Variants in BIN3 observed in about 807,000 individuals in gnomAD.
BIN3 encodes bridging integrator 3.
BIN3 carries 41 observed loss-of-function variants against 38.2 expected under a neutral mutation model. The observed-to-expected ratio is 1.07, with a 90% CI of 0.84 to 1.39. BIN3 has a LOEUF of 1.39. Among genes scored for constraint, BIN3 ranks in the 40% most tolerant of loss-of-function variants. BIN3 has a pLI of 0.00. For synonymous variants in BIN3, 145 were observed against 122.6 expected, an observed-to-expected ratio of 1.18 and a Z score of -1.21; for missense variants, 361 against 324.3, an observed-to-expected ratio of 1.11 and a Z score of -0.87.
chr8:22,668,373 C>G (rs1303359731), intron 1 of BIN3, among the ~76,000 whole-genome samples: 1 of 152,192 alleles, frequency 6.6e-6, no homozygotes, highest in African/African-American at 2.4e-5. Flanking sequence ...CTCTATTACT[C>G]TAAGACTCCC....
chr8:22,636,035 G>A (rs1016625047), intron 4 of BIN3, among the ~76,000 whole-genome samples: 15 of 152,104 alleles, frequency 9.9e-5, no homozygotes, highest in Middle Eastern at 3.2e-3. Context: ...AGGACCTCCC[G>A]GTGCCCTTTG....
rs779524595 is a variant in BIN3, at chr8:22,624,251, T to C, written c.451A>G (p.Thr151Ala). 2 of 1,613,910 alleles carry C rather than the reference T, an allele frequency of 1.2e-6. No homozygotes were observed. The highest frequency in any genetic ancestry group is 2.2e-5 in the South Asian group (2 of 91,064). ...TGGAGCTTGGCCAGCACTGGCCCCGTCTTCTCCTTTTCCTCATACTTCTCC... is the reference window on the plus strand; with the variant it reads ...TGGAGCTTGGCCAGCACTGGCCCCGCCTTCTCCTTTTCCTCATACTTCTCC... The part of the protein sequence containing the change: ...KVEKYEEKEK[T>A]GPVLAKLHQA... Residue 151 changes from threonine (T) to alanine (A), a missense_variant, in exon 7 of 9, where the codon ACG becomes GCG. Coordinates refer to ENST00000276416, the MANE Select transcript of BIN3 (RefSeq NM_018688.6).
chr8:22,625,239 T>C (rs1801967170), intron 6 of BIN3: 2 of 692,838 alleles, frequency 2.9e-6, no homozygotes, highest in East Asian at 2.7e-5. Flanking sequence ...GGAGCAGTGC[T>C]CTCCTGAGGC....
intron 1 of BIN3, among the ~76,000 whole-genome samples, chr8:22,646,000 T>G (rs1251784915): frequency 6.6e-6 from 1 of 152,216 alleles, no homozygotes; most frequent in Non-Finnish European, 1.5e-5. Flanking sequence ...AGGAGGATCA[T>G]GGGTCTAGGA....
At chr8:22,630,063 G>GGGCGACACGCAAT in intron 5 of BIN3, 59 bp from the exon 6 acceptor site, 2 of 1,505,518 alleles carry the variant, frequency 1.3e-6, no homozygotes, top group Non-Finnish European at 1.8e-6. Context: ...CGACACGCAA[G>GGGCGACACGCAAT]GCAGGGCCCC....
intron 2 of BIN3, among the ~76,000 whole-genome samples, chr8:22,639,738 C>A (rs1395396900): frequency 1.3e-5 from 2 of 152,226 alleles, no homozygotes; most frequent in Non-Finnish European, 2.9e-5. Context: ...GGCTATAAAC[C>A]TGGGCTATAA....
chr8:22,647,814 A>G (rs1802758193), intron 1 of BIN3, among the ~76,000 whole-genome samples: 1 of 152,154 alleles, frequency 6.6e-6, no homozygotes, highest in South Asian at 2.1e-4. Context: ...AAAATCCTTC[A>G]CATTTAAAAA....
At chr8:22,627,076 A>G (rs1198538333) in intron 6 of BIN3, among the ~76,000 whole-genome samples, 1 of 152,162 alleles carries the variant, frequency 6.6e-6, no homozygotes, top group Non-Finnish European at 1.5e-5. Flanking sequence ...TGGGAAGAGC[A>G]TGTCTTCACC....
intron 1 of BIN3, among the ~76,000 whole-genome samples, chr8:22,659,626 T>G (rs915076021): frequency 3.9e-5 from 6 of 152,202 alleles, no homozygotes; most frequent in Admixed American, 6.5e-5. Context: ...ATTTGAAGTG[T>G]CCACTCCTGC....
intron 8 of BIN3, among the ~76,000 whole-genome samples, 163 bp from the exon 9 acceptor site, chr8:22,621,731 G>C (rs968902615): frequency 6.6e-6 from 1 of 152,200 alleles, no homozygotes; most frequent in Non-Finnish European, 1.5e-5. Flanking sequence ...CTCTAGCTGA[G>C]ACTGAACCAA....
intron 4 of BIN3, among the ~76,000 whole-genome samples, chr8:22,633,620 C>T (rs974642663): frequency 6.6e-5 from 10 of 152,230 alleles, no homozygotes; most frequent in African/African-American, 1.7e-4. Flanking sequence ...GCTGGGGGAG[C>T]GCAGGAGATT....
rs866878024 is a variant in BIN3, at chr8:22,651,109, T to C, written c.9-6306A>G. On this transcript the variant is annotated intron_variant, in intron 1 of 8. Coordinates refer to ENST00000276416, the MANE Select transcript of BIN3 (RefSeq NM_018688.6). ...CCAAATTCCTGACCAACAGAAACTA[T>C]TTGTTTCCAGCCACTAAGTTGTGGG... 3.3e-5 allele frequency among the ~76,000 whole-genome samples: 5 copies of C among 152,334 alleles called. No individual in the cohort carries two copies. In the South Asian group the frequency reaches 8.3e-4, roughly 25 times the overall value.
chr8:22,652,708 A>G (rs1026908540), intron 1 of BIN3, among the ~76,000 whole-genome samples: 1 of 152,238 alleles, frequency 6.6e-6, no homozygotes, highest in African/African-American at 2.4e-5. Flanking sequence ...CATGAAAGTG[A>G]ATATTTAGGC....
rs1395980886 is a variant in BIN3, at chr8:22,634,336, A to G, written c.160+2189T>C. 4 of 376,500 alleles carry G rather than the reference A, an allele frequency of 1.1e-5. No homozygotes were observed. In the East Asian group the frequency reaches 2.9e-4, roughly 28 times the overall value. The allele number at this position is 376,500 out of a possible 1,614,324, so 23.3% of individuals were successfully genotyped here. ...GCATGTTCAGACCAGCCCACGGCCC[A>G]GGAATTAGCACTGGCATGAAAATTC... On this transcript the variant is annotated intron_variant, in intron 4 of 8. Transcript: ENST00000276416.
intron 1 of BIN3, among the ~76,000 whole-genome samples, chr8:22,657,522 T>A (rs1450624331): frequency 6.6e-6 from 1 of 152,208 alleles, no homozygotes. Flanking sequence ...GGGAAAATAC[T>A]TTACAGAGCC....
chr8:22,636,841 A>G, intron 3 of BIN3, 81 bp downstream of exon 3: 1 of 1,481,640 alleles, frequency 6.7e-7, no homozygotes, highest in Non-Finnish European at 9.4e-7. Context: ...GGGGCAGGGC[A>G]CGGGGCAGAC....
intron 1 of BIN3, among the ~76,000 whole-genome samples, chr8:22,663,627 A>C (rs536208292): frequency 3.7e-4 from 56 of 152,200 alleles, no homozygotes; most frequent in African/African-American, 1.2e-3. Context: ...TCAAGTCCTC[A>C]GCATGGCACT....
At chr8:22,639,233 ATTT>A (rs112169422) in intron 2 of BIN3, among the ~76,000 whole-genome samples, 4 of 141,266 alleles carry the variant, frequency 2.8e-5, no homozygotes, top group Non-Finnish European at 1.6e-5. Flanking sequence ...AGTACTAAGC[ATTT>A]TTTTTTTTTT....
chr8:22,646,030 C>T (rs1329099279), intron 1 of BIN3, among the ~76,000 whole-genome samples: 3 of 152,218 alleles, frequency 2.0e-5, no homozygotes, highest in African/African-American at 7.2e-5. Context: ...TGAGCATTAG[C>T]CTGGCCTCCG....
Sources: allele counts gnomAD v4.1 joint callset (sites outside exome capture counted in the v4.1 genomes callset), GRCh38; gene constraint gnomAD v4.1.1; transcripts MANE v1.5; gene names NCBI Gene and HGNC (gene_info 2026-07-23, HGNC 2026-07-21).